Variants in FAM168A observed in about 807,000 individuals in gnomAD.
FAM168A encodes protein FAM168A.
Under a neutral mutation model 28.5 loss-of-function variants are expected in FAM168A, and 3 were observed. The observed-to-expected ratio is 0.11, with a 90% confidence interval of 0.05 to 0.27. The LOEUF is 0.27. Among genes scored for constraint, FAM168A ranks in the 10% least tolerant of loss-of-function variants. The probability of loss-of-function intolerance (pLI) is 1.00; values close to 1 mark genes in which losing one functional copy is unlikely to be tolerated. For missense variants in FAM168A, 222 were observed against 311.5 expected (o/e 0.71, Z 2.16); for synonymous variants, 122 against 124.2 (o/e 0.98, Z 0.12).
rs774625959 is a variant in FAM168A at position 73,407,661 on chromosome 11, G to A, written c.596-18C>T. The A allele has an allele frequency of 1.2e-6, 2 of 1,600,032 alleles. No individual in the cohort carries two copies. Among genetic ancestry groups the A allele is most frequent in the South Asian group, 1.1e-5 (1 of 89,992 alleles). On this transcript the variant is annotated intron_variant, in intron 6 of 7. Transcript: ENST00000356467. ...CAGGGTACCTGAGCATCCAGAGAGA[G>A]AAGAGTAACCTGACGAGGCTGCACC... is the stretch of plus-strand genomic sequence containing the variant.
At chr11:73,471,494 T>C (rs74372565) in intron 1 of FAM168A, among the ~76,000 whole-genome samples, 68 of 152,312 alleles carry the variant, frequency 4.5e-4, no homozygotes, top group African/African-American at 1.6e-3. Context: ...AATCAAGATA[T>C]AAAATATTTT....
rs565242447 is a variant in FAM168A at position 73,449,209 on chromosome 11, A to T, written c.71-18439T>A. On this transcript the variant is annotated intron_variant, in intron 2 of 7. Transcript: ENST00000356467. ...GGTCTCCAACTCCTGGGCTCAAATG[A>T]TCCTCTTGCCTCAGCCTCCCAAAGT... 1.8e-4 allele frequency among the ~76,000 whole-genome samples: 27 copies of T among 152,218 alleles called. 1 individual carries two copies. Among genetic ancestry groups the T allele is most frequent in the Middle Eastern group, 6.8e-3 (2 of 294 alleles).
intron 1 of FAM168A, among the ~76,000 whole-genome samples, chr11:73,550,588 G>A (rs1229728505): frequency 1.3e-5 from 2 of 152,150 alleles, no homozygotes; most frequent in Non-Finnish European, 2.9e-5. Context: ...CTGGGGGGTC[G>A]AGGATGCAGT....
intron 1 of FAM168A, among the ~76,000 whole-genome samples, chr11:73,556,322 C>T (rs981591533): frequency 1.8e-4 from 27 of 151,518 alleles, no homozygotes; most frequent in Non-Finnish European, 3.2e-4. Context: ...GCAGTCCCTC[C>T]TGGATGACAA....
chr11:73,431,430 G>A (rs1365514597), intron 2 of FAM168A, among the ~76,000 whole-genome samples: 1 of 146,422 alleles, frequency 6.8e-6, no homozygotes, highest in Non-Finnish European at 1.5e-5. Context: ...CATTCCTGCC[G>A]CACTACTCTC....
chr11:73,555,169 A>G (rs976321010), intron 1 of FAM168A, among the ~76,000 whole-genome samples: 3 of 152,212 alleles, frequency 2.0e-5, no homozygotes, highest in Admixed American at 6.5e-5. Flanking sequence ...GCTAGAGTCC[A>G]AAGTGCAAGG....
intron 1 of FAM168A, among the ~76,000 whole-genome samples, chr11:73,501,484 A>G (rs58602796): frequency 6.6e-6 from 1 of 152,156 alleles, no homozygotes; most frequent in Non-Finnish European, 1.5e-5. Context: ...AAATCATAAC[A>G]AACAGTCTCT....
chr11:73,574,024 C>T (rs888101767), intron 1 of FAM168A, among the ~76,000 whole-genome samples: 4 of 150,890 alleles, frequency 2.7e-5, no homozygotes, highest in African/African-American at 4.9e-5. Context: ...ACTCAGGAGG[C>T]GAGGCAGGGG....
At chr11:73,566,389 A>G (rs1324521004) in intron 1 of FAM168A, among the ~76,000 whole-genome samples, 2 of 152,218 alleles carry the variant, frequency 1.3e-5, no homozygotes, top group African/African-American at 4.8e-5. Flanking sequence ...TGATGTAATC[A>G]ATAAAAATTA....
At chr11:73,431,102 G>C (rs1055189364) in intron 2 of FAM168A, among the ~76,000 whole-genome samples, 2 of 152,106 alleles carry the variant, frequency 1.3e-5, no homozygotes, top group African/African-American at 4.8e-5. Context: ...CCAGCACTTT[G>C]GGAGGCTGAG....
At chr11:73,466,457 T>G (rs1343350539) in intron 2 of FAM168A, among the ~76,000 whole-genome samples, 2 of 152,178 alleles carry the variant, frequency 1.3e-5, no homozygotes, top group African/African-American at 4.8e-5. Flanking sequence ...CTACCATAGT[T>G]TTTTTATCTA....
intron 1 of FAM168A, among the ~76,000 whole-genome samples, chr11:73,531,801 ACTTT>A (rs1943516865): frequency 7.9e-6 from 1 of 125,964 alleles, no homozygotes; most frequent in Non-Finnish European, 1.6e-5. Flanking sequence ...ACCAAGTATC[ACTTT>A]TTTTTTTTTT....
At chr11:73,514,831 A>T (rs1239125827) in intron 1 of FAM168A, among the ~76,000 whole-genome samples, 1 of 70,098 alleles carries the variant, frequency 1.4e-5, no homozygotes, top group Non-Finnish European at 2.9e-5. Context: ...AGACTCTGCC[A>T]TCCATCCATC....
At chr11:73,551,814 T>C (rs1489586527) in intron 1 of FAM168A, among the ~76,000 whole-genome samples, 1 of 152,272 alleles carries the variant, frequency 6.6e-6, no homozygotes, top group East Asian at 1.9e-4. Flanking sequence ...TCTGGTTGCA[T>C]GTTGCAGCTG....
chr11:73,580,479 C>G, intron 1 of FAM168A: 1 of 621,162 alleles, frequency 1.6e-6, no homozygotes, highest in Non-Finnish European at 3.1e-6. Flanking sequence ...GATGCCAAAA[C>G]AGACCAGGGA....
Position 73,430,582 on chromosome 11 carries a change from C to T in FAM168A, c.151+108G>A, listed in dbSNP as rs11823913. 8.2e-5 allele frequency: 83 copies of T among 1,011,200 alleles called. No individual in the cohort carries two copies. In the African/African-American group the frequency reaches 8.8e-4, roughly 11 times the overall value. The allele number at this position is 1,011,200 out of a possible 1,614,324, so 62.6% of individuals were successfully genotyped here. A position where few individuals can be genotyped will look rare whatever the true frequency, so the allele number is the denominator to read the frequency against. On this transcript the variant is annotated intron_variant, in intron 3 of 7. Coordinates refer to ENST00000356467, the MANE Select transcript of FAM168A (RefSeq NM_015159.3). ...AGGAAAATCCAGCCTGGAGAGGCTGCGCCCGGAGCAATTAAGAACAGGAAA... is the reference window on the plus strand; with the variant it reads ...AGGAAAATCCAGCCTGGAGAGGCTGTGCCCGGAGCAATTAAGAACAGGAAA...
chr11:73,587,405 T>C (rs976907760), intron 1 of FAM168A, among the ~76,000 whole-genome samples: 9 of 151,892 alleles, frequency 5.9e-5, no homozygotes, highest in Middle Eastern at 3.4e-3. Context: ...GGCAGGAGAA[T>C]TGCTTGAACC....
chr11:73,512,731 A>C (rs11235787), intron 1 of FAM168A, among the ~76,000 whole-genome samples: 12,089 of 152,192 alleles, frequency 0.079, 571 homozygotes, highest in Admixed American at 0.11. Flanking sequence ...TAAAAAGTTA[A>C]AATCTAGTAC....
chr11:73,486,219 C>T (rs1400086954), intron 1 of FAM168A, among the ~76,000 whole-genome samples: 1 of 152,152 alleles, frequency 6.6e-6, no homozygotes, highest in African/African-American at 2.4e-5. Flanking sequence ...ACAAAATTGA[C>T]TACTTTAATC....
Sources: allele counts gnomAD v4.1 joint callset (sites outside exome capture counted in the v4.1 genomes callset), GRCh38; gene constraint gnomAD v4.1.1; transcripts MANE v1.5; gene names NCBI Gene and HGNC (gene_info 2026-07-23, HGNC 2026-07-21).